HESX1: variants seen among roughly 807,000 people sequenced by gnomAD.
HESX1 encodes the protein homeobox expressed in ES cells 1.
A neutral mutation model predicts 22.5 loss-of-function variants in HESX1; 11 were observed. The ratio of observed to expected loss-of-function variants is 0.49; its 90% CI spans 0.31 to 0.81. The LOEUF (loss-of-function observed/expected upper bound fraction) is 0.81, where lower values mean the gene tolerates loss of function less well. HESX1 is among the 30% of genes least tolerant of loss of function. HESX1 has a pLI of 0.05. For missense variants in HESX1, 201 were observed against 212.6 expected (o/e 0.95, Z 0.34); for synonymous variants, 74 against 76.5 (o/e 0.97, Z 0.17).
chr3:57,210,460 G>A lies in HESX1; in HGVS notation c.-110-10432C>T, dbSNP rs138808147. ...GCCATACAATTATTATGCTGTGAGC[G>A]TAATAAGAAATGGAATAAGCAAAGC... On this transcript the variant is annotated intron_variant, in intron 1 of 2. Transcript: ENST00000495160. 4.6e-5 allele frequency among the ~76,000 whole-genome samples: 7 copies of A among 152,260 alleles called. No individual in the cohort carries two copies. In the East Asian group the frequency reaches 9.6e-4, roughly 21 times the overall value.
chr3:57,214,119 T>C (rs2060571287), intron 1 of HESX1, among the ~76,000 whole-genome samples: 1 of 152,178 alleles, frequency 6.6e-6, no homozygotes, highest in African/African-American at 2.4e-5. Flanking sequence ...TATGCCCCTT[T>C]AAAAGACACT....
chr3:57,220,584 C>G (rs1278158503), intron 1 of HESX1, among the ~76,000 whole-genome samples: 1 of 152,116 alleles, frequency 6.6e-6, no homozygotes, highest in East Asian at 1.9e-4. Flanking sequence ...CGTGCACCAC[C>G]ACTGCCCATC....
intron 1 of HESX1, among the ~76,000 whole-genome samples, chr3:57,214,673 ACT>A (rs2060573843): frequency 6.6e-6 from 1 of 152,202 alleles, no homozygotes; most frequent in Non-Finnish European, 1.5e-5. Context: ...ACCATTACTT[ACT>A]TATTGCTGTT....
At chr3:57,199,018 G>A in intron 1 of HESX1, 66 bp from the exon 2 acceptor site, 2 of 1,404,740 alleles carry the variant, frequency 1.4e-6, no homozygotes, top group South Asian at 1.2e-5. Context: ...TTCTATAGAG[G>A]TAGTTTCAGG....
intron 1 of HESX1, among the ~76,000 whole-genome samples, chr3:57,224,311 A>T: frequency 6.6e-6 from 1 of 151,550 alleles, no homozygotes; most frequent in South Asian, 2.1e-4. Flanking sequence ...ATTTAATTTA[A>T]TTTTTTTTTG....
At chr3:57,207,892 T>TA (rs1366358873) in intron 1 of HESX1, among the ~76,000 whole-genome samples, 2 of 152,202 alleles carry the variant, frequency 1.3e-5, no homozygotes, top group African/African-American at 4.8e-5. Flanking sequence ...CCCTGGCCAA[T>TA]ACTCACTGTT....
chr3:57,199,649 T>C, intron 1 of HESX1, 113 bp downstream of exon 1: 2 of 618,632 alleles, frequency 3.2e-6, no homozygotes, highest in Non-Finnish European at 4.7e-6. Context: ...TAAATAATAA[T>C]AATAAATTAA....
intron 1 of HESX1, among the ~76,000 whole-genome samples, chr3:57,211,550 A>AAAAAAAAAAAAAAC (rs1559500552): frequency 1.4e-5 from 2 of 147,366 alleles, no homozygotes; most frequent in African/African-American, 5.0e-5. Context: ...AAAAAAAAAA[A>AAAAAAAAAAAAAAC]AGCCAGGCAT....
chr3:57,205,734 C>A (rs890399610), intron 1 of HESX1, among the ~76,000 whole-genome samples: 26 of 152,330 alleles, frequency 1.7e-4, no homozygotes, highest in African/African-American at 6.3e-4. Context: ...TTTTAACCTG[C>A]AACCTCTCTT....
upstream of HESX1, among the ~76,000 whole-genome samples, chr3:57,201,871 ATCTATATCTATCTATCTATCTATC>A (rs1277130221): frequency 4.2e-5 from 6 of 142,104 alleles, no homozygotes; most frequent in Non-Finnish European, 6.1e-5. Flanking sequence ...ATATCTATCT[ATCTATATCTATCTATCTATCTATC>A]TATCTATCTA....
intron 1 of HESX1, among the ~76,000 whole-genome samples, chr3:57,225,705 G>A (rs2060638089): frequency 6.6e-6 from 1 of 151,884 alleles, no homozygotes; most frequent in South Asian, 2.1e-4. Flanking sequence ...ATAATGTAAT[G>A]GCCTCTTGAG....
intron 1 of HESX1, among the ~76,000 whole-genome samples, chr3:57,215,273 C>A (rs541812524): frequency 6.6e-6 from 1 of 152,082 alleles, no homozygotes; most frequent in Non-Finnish European, 1.5e-5. Context: ...AGGCAGCTAT[C>A]ATGGTTACCA....
At position 57,212,014 on chromosome 3, in the gene HESX1, C is replaced by G. The variant is rs149260162; in HGVS notation, c.-110-11986G>C. ...ATCTGTTTCATACAGTCTTCGATCT[C>G]CCCTGCACCCAGCACAGTGCCTGTC... is the stretch of plus-strand genomic sequence containing the variant. On this transcript the variant is annotated intron_variant, in intron 1 of 2. Coordinates refer to the HESX1 transcript ENST00000495160. 3.3e-5 allele frequency among the ~76,000 whole-genome samples: 5 copies of G among 152,210 alleles called. No individual in the cohort carries two copies. The East Asian group carries it at 9.6e-4, about 29-fold the overall frequency.
chr3:57,209,671 C>CAAAAAAAAAAAA (rs71088042), intron 1 of HESX1, among the ~76,000 whole-genome samples: 4 of 82,052 alleles, frequency 4.9e-5, no homozygotes, highest in Non-Finnish European at 9.6e-5. Context: ...AGCTCCATCT[C>CAAAAAAAAAAAA]AAAAAAAAAA....
At chr3:57,227,581 C>G (rs747387990), upstream of HESX1, among the ~76,000 whole-genome samples, 1 of 152,232 alleles carries the variant, frequency 6.6e-6, no homozygotes, top group African/African-American at 2.4e-5. Flanking sequence ...ACACTGCCAC[C>G]TCCGCCGCTT....
intron 1 of HESX1, among the ~76,000 whole-genome samples, 187 bp from the exon 2 acceptor site, chr3:57,199,139 G>C (rs2060467450): frequency 6.6e-6 from 1 of 152,108 alleles, no homozygotes; most frequent in African/African-American, 2.4e-5. Flanking sequence ...CTGCCTCTTT[G>C]GTCTCTGAAT....
chr3:57,208,742 C>T (rs1054131447), intron 1 of HESX1, among the ~76,000 whole-genome samples: 4 of 149,370 alleles, frequency 2.7e-5, no homozygotes, highest in South Asian at 2.2e-4. Context: ...GGGCGGATCA[C>T]TTGAGGTCAG....
At chr3:57,208,984 A>G (rs72875858) in intron 1 of HESX1, among the ~76,000 whole-genome samples, 1,894 of 152,152 alleles carry the variant, frequency 0.012, 27 homozygotes, top group African/African-American at 0.036. Context: ...AAAATGCATA[A>G]AACATAAAAT....
intron 1 of HESX1, among the ~76,000 whole-genome samples, chr3:57,205,019 T>C (rs1448417972): frequency 6.6e-6 from 1 of 152,186 alleles, no homozygotes; most frequent in African/African-American, 2.4e-5. Context: ...TAGTGGTCCC[T>C]GCTTCCACCC....
Sources: gnomAD v4.1 joint callset for allele counts (sites outside exome capture counted in the v4.1 genomes callset) on GRCh38, gnomAD v4.1.1 for gene constraint, MANE v1.5 for transcripts, NCBI Gene and HGNC (gene_info 2026-07-23, HGNC 2026-07-21) for gene names.